CNKSR2: variants seen among roughly 807,000 people sequenced by gnomAD.
CNKSR2 encodes the protein CNK homolog protein 2.
Under a neutral mutation model 84.4 loss-of-function variants are expected in CNKSR2, and 14 were observed. That is an observed-to-expected ratio of 0.17 (90% CI 0.11 to 0.26). CNKSR2 has a LOEUF of 0.26. CNKSR2 is among the 10% of genes least tolerant of loss of function. CNKSR2 has a pLI of 1.00. For missense variants in CNKSR2, 485 were observed against 771.2 expected, an observed-to-expected ratio of 0.63 and a Z score of 4.40; for synonymous variants, 275 against 277.9, an observed-to-expected ratio of 0.99 and a Z score of 0.10.
At chrX:21,376,926 A>G (rs772428401) in intron 1 of CNKSR2, among the ~76,000 whole-genome samples, 22 of 112,309 alleles carry the variant, frequency 2.0e-4, no homozygotes, top group Non-Finnish European at 3.4e-4. Flanking sequence ...TGATGCACCT[A>G]TTCTGACACA....
intron 1 of CNKSR2, among the ~76,000 whole-genome samples, chrX:21,375,497 C>T (rs1414284418): frequency 8.9e-6 from 1 of 112,157 alleles, no homozygotes; most frequent in Non-Finnish European, 1.9e-5. Flanking sequence ...CTGGCATCCC[C>T]CCACACCCAG....
At chrX:21,595,296 A>G in intron 16 of CNKSR2, 28 bp from the exon 17 acceptor site, 1 of 1,102,815 alleles carries the variant, frequency 9.1e-7, no homozygotes, top group Non-Finnish European at 1.2e-6. Context: ...CCCAATTTGT[A>G]ATAAATGTAC....
chrX:21,613,863 C>T (rs762882606), intron 20 of CNKSR2, among the ~76,000 whole-genome samples: 2 of 106,658 alleles, frequency 1.9e-5, no homozygotes, highest in African/African-American at 3.4e-5. Context: ...TGCTTGAACC[C>T]GGGAGGTGGA....
At chrX:21,556,867 A>C (rs2092144547) in intron 11 of CNKSR2, among the ~76,000 whole-genome samples, 1 of 110,385 alleles carries the variant, frequency 9.1e-6, no homozygotes, top group African/African-American at 3.3e-5. Context: ...TTTTTAAAAA[A>C]CGATTGGAGA....
intron 9 of CNKSR2, among the ~76,000 whole-genome samples, chrX:21,518,891 T>G (rs2147100347): frequency 8.9e-6 from 1 of 112,031 alleles, no homozygotes; most frequent in Non-Finnish European, 1.9e-5. Flanking sequence ...TTTTTCTAAA[T>G]TTGTCATTTC....
chrX:21,490,651 G>A (rs2091433329), intron 6 of CNKSR2, 73 bp downstream of exon 6: 1 of 997,439 alleles, frequency 1.0e-6, no homozygotes, highest in South Asian at 3.2e-5. Flanking sequence ...AGCAGCCTCT[G>A]AATGTGGGAA....
rs887431884 is a variant in CNKSR2 at position 21,561,502 on chromosome X, A to G, written c.1335A>G (p.Glu445=). The change falls in exon 12 of 22, where the codon GAA becomes GAG. Residue 445 remains glutamate (E), a synonymous_variant. Transcript: ENST00000379510. ...TACGACCTATATCTATGCCAGTGGA[A>G]TATAATTGGGTGGGGGACTATGAAG... ...GKLRPISMPV[E]YNWVGDYEDP... The G allele has an allele frequency of 1.7e-5, 21 of 1,205,302 alleles. No homozygotes were observed. Among genetic ancestry groups the G allele is most frequent in the Non-Finnish European group, 1.9e-5 (17 of 891,519 alleles).
chrX:21,410,880 GTGTT>G (rs2090335345), intron 1 of CNKSR2, among the ~76,000 whole-genome samples: 1 of 108,635 alleles, frequency 9.2e-6, no homozygotes, highest in African/African-American at 3.3e-5. Context: ...GGGCAAATGT[GTGTT>G]TGTGTGTGTG....
chrX:21,390,364 T>C (rs956623886), intron 1 of CNKSR2, among the ~76,000 whole-genome samples: 4 of 108,202 alleles, frequency 3.7e-5, no homozygotes, highest in African/African-American at 1.4e-4. Flanking sequence ...TGAAAAGAGG[T>C]TTAATTGGCT....
chrX:21,553,473 T>G (rs904570701), intron 11 of CNKSR2, among the ~76,000 whole-genome samples: 6 of 107,645 alleles, frequency 5.6e-5, no homozygotes, highest in Non-Finnish European at 1.1e-4. Flanking sequence ...TTGTCTTATT[T>G]TTGTTCTGTG....
Position 21,572,546 on chromosome X carries a change from G to A in CNKSR2, c.1608+9094G>A, listed in dbSNP as rs756964040. Among the ~76,000 whole-genome samples the A allele has an allele frequency of 2.7e-5, 3 of 111,467 alleles. No individual in the cohort carries two copies. The South Asian group carries it at 1.1e-3, about 42-fold the overall frequency. Reference sequence around the variant, plus strand: ...TTGACTCACAGTTCCACAGGACTGGGGAGGCCTCAGGAAACTTACAATCAC... The same window carrying A: ...TTGACTCACAGTTCCACAGGACTGGAGAGGCCTCAGGAAACTTACAATCAC... On this transcript the variant is annotated intron_variant, in intron 13 of 21. Coordinates refer to ENST00000379510, the MANE Select transcript of CNKSR2 (RefSeq NM_014927.5).
rs982098006 is a variant in CNKSR2, at chrX:21,442,256, TG to T, written c.519+1476del. On this transcript the variant is annotated intron_variant, in intron 4 of 21. Coordinates refer to ENST00000379510, the MANE Select transcript of CNKSR2 (RefSeq NM_014927.5). ...ATAAGATTGGTTATAATGACACTTT[TG>T]AAAAAAAAAAAGAGAAACTGGTTTT... Among the ~76,000 whole-genome samples, 34 of 108,040 alleles carry T rather than the reference TG, an allele frequency of 3.1e-4. No homozygotes were observed. In the East Asian group the frequency reaches 7.5e-3, roughly 24 times the overall value. 93.8% of individuals were successfully genotyped at this position (108,040 alleles called of 115,157 possible). A position where few individuals can be genotyped will look rare whatever the true frequency, so the allele number is the denominator to read the frequency against.
intron 1 of CNKSR2, among the ~76,000 whole-genome samples, chrX:21,405,980 A>T (rs2090257617): frequency 9.0e-6 from 1 of 110,521 alleles, no homozygotes. Context: ...GATTCTACAT[A>T]GCAGAGTAGC....
At chrX:21,506,832 A>G (rs1449398991) in intron 8 of CNKSR2, 2 of 111,022 alleles carry the variant, frequency 1.8e-5, no homozygotes, top group East Asian at 5.7e-4. Flanking sequence ...ACTATGATCT[A>G]GTTATTTTAC....
At chrX:21,453,542 C>T (rs997459660) in intron 4 of CNKSR2, among the ~76,000 whole-genome samples, 4 of 111,524 alleles carry the variant, frequency 3.6e-5, no homozygotes, top group African/African-American at 9.8e-5. Flanking sequence ...AAAGTTTTCC[C>T]TCTTCAGTTC....
chrX:21,454,090 C>G (rs1402571040), intron 4 of CNKSR2, among the ~76,000 whole-genome samples: 1 of 111,648 alleles, frequency 9.0e-6, no homozygotes, highest in Admixed American at 9.5e-5. Context: ...TTTAGTTCCT[C>G]TCATCCTTCC....
chrX:21,610,573 G>A (rs750860074), intron 20 of CNKSR2, among the ~76,000 whole-genome samples: 10 of 112,363 alleles, frequency 8.9e-5, no homozygotes, highest in Admixed American at 2.8e-4. Context: ...GCCAATTAGC[G>A]CAGATAACTT....
chrX:21,489,866 C>G (rs2091424800), intron 5 of CNKSR2, among the ~76,000 whole-genome samples: 1 of 111,555 alleles, frequency 9.0e-6, no homozygotes, highest in African/African-American at 3.3e-5. Context: ...GGCATGGTAC[C>G]TGCCTCAGAG....
chrX:21,602,611 G>A (rs1334876959), intron 18 of CNKSR2, among the ~76,000 whole-genome samples: 1 of 111,562 alleles, frequency 9.0e-6, no homozygotes, highest in Non-Finnish European at 1.9e-5. Flanking sequence ...GGCTTTGCAG[G>A]CCATATAGTA....
Sources: gnomAD v4.1 joint callset for allele counts (sites outside exome capture counted in the v4.1 genomes callset) on GRCh38, gnomAD v4.1.1 for gene constraint, MANE v1.5 for transcripts, NCBI Gene and HGNC (gene_info 2026-07-23, HGNC 2026-07-21) for gene names.